PDE1C: variants seen among roughly 807,000 people sequenced by gnomAD.
PDE1C encodes phosphodiesterase 1C.
A neutral mutation model predicts 93.1 loss-of-function variants in PDE1C; 62 were observed. The ratio of observed to expected loss-of-function variants is 0.67; its 90% confidence interval spans 0.54 to 0.82. The LOEUF (loss-of-function observed/expected upper bound fraction) is 0.82. Among genes scored for constraint, PDE1C ranks in the 40% least tolerant of loss-of-function variants. The probability of loss-of-function intolerance (pLI) is 0.00; values close to 1 mark genes in which losing one functional copy is unlikely to be tolerated. For missense variants in PDE1C, 742 were observed against 884.6 expected, an observed-to-expected ratio of 0.84 and a Z score of 2.04; for synonymous variants, 325 against 310.1, an observed-to-expected ratio of 1.05 and a Z score of -0.50.
chr7:32,198,631 T>C (rs1264585516), intron 2 of PDE1C, among the ~76,000 whole-genome samples: 2 of 152,108 alleles, frequency 1.3e-5, no homozygotes, highest in Non-Finnish European at 2.9e-5. Context: ...GGCAGCAGGA[T>C]GAAAAAGCGA....
At chr7:32,026,329 G>T (rs1270960003) in intron 2 of PDE1C, among the ~76,000 whole-genome samples, 2 of 152,058 alleles carry the variant, frequency 1.3e-5, no homozygotes, top group African/African-American at 4.8e-5. Flanking sequence ...CCATCCTCTG[G>T]TCTGCCATCT....
chr7:31,798,228 T>G (rs1179078010), intron 16 of PDE1C, among the ~76,000 whole-genome samples: 1 of 151,774 alleles, frequency 6.6e-6, no homozygotes. Context: ...AACTACGCAC[T>G]GGTCACAAGT....
At chr7:31,647,637 G>A in the PDE1C span, among the ~76,000 whole-genome samples, 1 of 134,018 alleles carries the variant, frequency 7.5e-6, no homozygotes, top group Non-Finnish European at 1.5e-5. Flanking sequence ...TCATGCCACT[G>A]CACTCCAGCC....
At chr7:32,224,099 A>G (rs1860225) in intron 1 of PDE1C, among the ~76,000 whole-genome samples, 62,105 of 152,074 alleles carry the variant, frequency 0.41, 13,467 homozygotes, top group East Asian at 0.65. Context: ...TTGGCCGGGC[A>G]CAGTGGCTCA....
chr7:31,737,277 C>G, the PDE1C span, among the ~76,000 whole-genome samples: 1 of 151,966 alleles, frequency 6.6e-6, no homozygotes, highest in African/African-American at 2.4e-5. Flanking sequence ...CCATACCCCA[C>G]CAACTCTTCT....
chr7:32,117,027 A>G (rs577554383), intron 3 of PDE1C, among the ~76,000 whole-genome samples: 1 of 152,308 alleles, frequency 6.6e-6, no homozygotes, highest in East Asian at 1.9e-4. Flanking sequence ...CACAAGTGAA[A>G]AATCTCTACC....
chr7:31,954,907 G>A (rs1807914269), intron 2 of PDE1C, among the ~76,000 whole-genome samples: 1 of 152,162 alleles, frequency 6.6e-6, no homozygotes, highest in Non-Finnish European at 1.5e-5. Flanking sequence ...TGTTGATTCT[G>A]GGTAACTGGA....
intron 2 of PDE1C, among the ~76,000 whole-genome samples, chr7:31,939,163 T>C (rs1415628806): frequency 1.3e-5 from 2 of 152,150 alleles, no homozygotes; most frequent in African/African-American, 4.8e-5. Context: ...TCAGTTGCTA[T>C]GGTTTTAAAA....
chr7:32,170,615 C>T (rs1214328564), intron 2 of PDE1C, among the ~76,000 whole-genome samples: 2 of 152,152 alleles, frequency 1.3e-5, no homozygotes, highest in South Asian at 2.1e-4. Flanking sequence ...GTCACTTTTG[C>T]TTTGTGTATT....
At position 31,996,337 on chromosome 7, in the gene PDE1C, C is replaced by T. The variant is rs138004201; in HGVS notation, c.128+55217G>A. Reference sequence around the variant, plus strand: ...GGCCTGAAAGACTTAATAAAGATCACCCACAATGATCTTCAAAACTAAATT... The same window carrying T: ...GGCCTGAAAGACTTAATAAAGATCATCCACAATGATCTTCAAAACTAAATT... On this transcript the variant is annotated intron_variant, in intron 2 of 17. Transcript: ENST00000396191. Among the ~76,000 whole-genome samples the T allele has an allele frequency of 3.9e-3, 585 of 151,128 alleles. 5 individuals carry two copies. Among genetic ancestry groups the T allele is most frequent in the African/African-American group, 0.013 (539 of 41,296 alleles).
At chr7:32,389,641 G>A (rs893665450) in intron 1 of PDE1C, among the ~76,000 whole-genome samples, 4 of 152,192 alleles carry the variant, frequency 2.6e-5, no homozygotes, top group Admixed American at 6.5e-5. Flanking sequence ...GGACCTGGCC[G>A]CTTCATGTGG....
At chr7:31,908,391 C>T (rs1344395849) in intron 2 of PDE1C, among the ~76,000 whole-genome samples, 2 of 152,040 alleles carry the variant, frequency 1.3e-5, no homozygotes, top group Non-Finnish European at 2.9e-5. Context: ...TAGCAGATGA[C>T]CAAAACGCCC....
intron 2 of PDE1C, among the ~76,000 whole-genome samples, chr7:31,908,097 T>C (rs1201641763): frequency 6.6e-6 from 1 of 152,186 alleles, no homozygotes; most frequent in African/African-American, 2.4e-5. Flanking sequence ...GTAGGAAAGC[T>C]TGACAAAAGT....
chr7:32,063,292 C>CT (rs1795018987), intron 1 of PDE1C, among the ~76,000 whole-genome samples: 1 of 152,172 alleles, frequency 6.6e-6, no homozygotes. Context: ...TTGCATTAAC[C>CT]TAATAACAAT....
rs578061431 is a variant in PDE1C at position 31,766,768 on chromosome 7, T to C, written c.1960+8896A>G. Reference sequence around the variant, plus strand: ...TACTTGCTCGACATTATGCTCAGCATTGTTTGTAATAGCAAAAAGTGGAAG... The same window carrying C: ...TACTTGCTCGACATTATGCTCAGCACTGTTTGTAATAGCAAAAAGTGGAAG... On this transcript the variant is annotated intron_variant, in intron 17 of 17. Transcript: ENST00000396191. 3.9e-5 allele frequency among the ~76,000 whole-genome samples: 6 copies of C among 152,368 alleles called. 1 individual carries two copies. Among genetic ancestry groups the C allele is most frequent in the African/African-American group, 1.4e-4 (6 of 41,586 alleles).
intron 9 of PDE1C, among the ~76,000 whole-genome samples, chr7:31,841,227 C>CTCTCTATATA (rs751320538): frequency 0.047 from 6,630 of 142,162 alleles, 206 homozygotes; most frequent in East Asian, 0.1. Context: ...CTCTCTCTCT[C>CTCTCTATATA]TATATATATA....
chr7:32,235,260 C>T (rs1181842580), intron 1 of PDE1C, among the ~76,000 whole-genome samples: 1 of 151,736 alleles, frequency 6.6e-6, no homozygotes, highest in Non-Finnish European at 1.5e-5. Flanking sequence ...TATTGGAAGT[C>T]CTAGCCAGTG....
At chr7:31,737,952 A>T in the PDE1C span, among the ~76,000 whole-genome samples, 1 of 152,154 alleles carries the variant, frequency 6.6e-6, no homozygotes, top group Non-Finnish European at 1.5e-5. Flanking sequence ...CAGCATAGAA[A>T]ACCTGAAAAA....
At chr7:31,695,396 G>T in the PDE1C span, 1 of 1,407,998 alleles carries the variant, frequency 7.1e-7, no homozygotes. Context: ...AGTGCAATTA[G>T]GAACCAAACA....
Sources: gnomAD v4.1 joint callset for allele counts (sites outside exome capture counted in the v4.1 genomes callset) on GRCh38, gnomAD v4.1.1 for gene constraint, MANE v1.5 for transcripts, NCBI Gene and HGNC (gene_info 2026-07-23, HGNC 2026-07-21) for gene names.